Variants in GRM7 observed in about 807,000 individuals in gnomAD.
The protein encoded by GRM7 is metabotropic glutamate receptor 7.
In GRM7, 35 loss-of-function variants were observed where a neutral mutation model predicts 84.5. That is an observed-to-expected ratio of 0.41 (90% CI 0.32 to 0.55). The LOEUF (loss-of-function observed/expected upper bound fraction) is 0.55. Ranked by LOEUF, GRM7 falls within the 20% of genes least tolerant of loss-of-function variation. The probability of loss-of-function intolerance (pLI) is 0.19; values close to 1 mark genes in which losing one functional copy is unlikely to be tolerated. For synonymous variants in GRM7, 487 were observed against 455.1 expected (o/e 1.07, Z -0.89); for missense variants, 1,003 against 1,194.6 (o/e 0.84, Z 2.36).
At chr3:6,947,893 T>A (rs1698151029) in intron 1 of GRM7, among the ~76,000 whole-genome samples, 1 of 152,204 alleles carries the variant, frequency 6.6e-6, no homozygotes, top group South Asian at 2.1e-4. Context: ...GTGAGATTGG[T>A]GGTGATATCC....
At chr3:7,311,198 G>A (rs773260687) in intron 4 of GRM7, among the ~76,000 whole-genome samples, 4 of 152,234 alleles carry the variant, frequency 2.6e-5, no homozygotes, top group East Asian at 1.9e-4. Context: ...TGAACTATGC[G>A]GTCATTCTCC....
intron 7 of GRM7, among the ~76,000 whole-genome samples, chr3:7,553,715 C>T (rs1250328935): frequency 6.6e-6 from 1 of 152,156 alleles, no homozygotes; most frequent in Admixed American, 6.5e-5. Context: ...TACTTACTCT[C>T]CTGAGAACAG....
chr3:7,643,940 CT>C (rs1698484291), intron 8 of GRM7, among the ~76,000 whole-genome samples: 1 of 151,624 alleles, frequency 6.6e-6, no homozygotes, highest in African/African-American at 2.4e-5. Flanking sequence ...ATTCCATGGT[CT>C]TGCTTTTCTA....
At chr3:7,079,438 C>A (rs1698206130) in intron 1 of GRM7, among the ~76,000 whole-genome samples, 1 of 152,080 alleles carries the variant, frequency 6.6e-6, no homozygotes, top group African/African-American at 2.4e-5. Context: ...TTATTTCAAC[C>A]TTTTAAGTAG....
chr3:7,216,736 C>G (rs1309489489), intron 2 of GRM7, among the ~76,000 whole-genome samples: 1 of 149,332 alleles, frequency 6.7e-6, no homozygotes, highest in African/African-American at 2.5e-5. Flanking sequence ...ATTTCATATA[C>G]TTCTGAAGCC....
At chr3:7,496,618 T>C (rs898743175) in intron 7 of GRM7, among the ~76,000 whole-genome samples, 3 of 152,110 alleles carry the variant, frequency 2.0e-5, no homozygotes, top group Non-Finnish European at 4.4e-5. Flanking sequence ...ATTCGTAACA[T>C]GGAAGTAGAT....
chr3:7,479,949 C>A (rs1258953267), intron 7 of GRM7, among the ~76,000 whole-genome samples: 1 of 152,184 alleles, frequency 6.6e-6, no homozygotes, highest in Non-Finnish European at 1.5e-5. Context: ...ACTTATATGA[C>A]CCCAGGAACA....
intron 1 of GRM7, among the ~76,000 whole-genome samples, chr3:7,132,506 C>A (rs545882149): frequency 2.0e-5 from 3 of 152,186 alleles, no homozygotes; most frequent in Non-Finnish European, 2.9e-5. Flanking sequence ...GAATTATTTA[C>A]CATGCAGAAA....
chr3:7,081,551 A>G (rs1176244714), intron 1 of GRM7, among the ~76,000 whole-genome samples: 4 of 151,994 alleles, frequency 2.6e-5, no homozygotes, highest in Non-Finnish European at 5.9e-5. Context: ...TAATAACCCC[A>G]CAATGGCCTC....
rs376000258 is a variant in GRM7, at chr3:7,611,568, T to C, written c.2451+32211T>C. Among the ~76,000 whole-genome samples, 43 of 152,270 alleles carry C rather than the reference T, an allele frequency of 2.8e-4. 1 individual carries two copies. Among genetic ancestry groups the C allele is most frequent in the African/African-American group, 9.6e-4 (40 of 41,552 alleles). ...ACAGCTGTCATAGACCTACTGGAGCTGAAATGGACCTTTGTGATGTTGAGG... is the reference window on the plus strand; with the variant it reads ...ACAGCTGTCATAGACCTACTGGAGCCGAAATGGACCTTTGTGATGTTGAGG... On this transcript the variant is annotated intron_variant, in intron 8 of 9. Transcript: ENST00000357716.
At chr3:7,677,797 C>G (rs1199348334) in intron 8 of GRM7, among the ~76,000 whole-genome samples, 1 of 152,122 alleles carries the variant, frequency 6.6e-6, no homozygotes, top group Non-Finnish European at 1.5e-5. Context: ...AATTGTTCCA[C>G]CAAAAGACGC....
chr3:7,425,366 A>C (rs1400010685), intron 5 of GRM7, among the ~76,000 whole-genome samples: 1 of 152,124 alleles, frequency 6.6e-6, no homozygotes, highest in Non-Finnish European at 1.5e-5. Flanking sequence ...CAGAGCTCAA[A>C]CTCCTTGTTC....
chr3:7,550,569 CTCTCTCTCTGTG>C (rs1243305644), intron 7 of GRM7, among the ~76,000 whole-genome samples: 188 of 96,714 alleles, frequency 1.9e-3, no homozygotes, highest in East Asian at 4.3e-3. Flanking sequence ...CTCTCTCTCT[CTCTCTCTCTGTG>C]TGTGTGTGTG....
At chr3:7,130,919 G>A (rs1478610457) in intron 1 of GRM7, among the ~76,000 whole-genome samples, 11 of 151,944 alleles carry the variant, frequency 7.2e-5, no homozygotes, top group Admixed American at 5.2e-4. Context: ...AAATTTTACA[G>A]GAGGTATTTC....
intron 4 of GRM7, among the ~76,000 whole-genome samples, chr3:7,365,649 A>ACCTTTCCTGAGTCC: frequency 1.7e-5 from 2 of 118,840 alleles, no homozygotes; most frequent in South Asian, 5.4e-4. Context: ...GCGTGTGTGT[A>ACCTTTCCTGAGTCC]TATATATATA....
chr3:7,330,951 C>G (rs1350723980), intron 4 of GRM7, among the ~76,000 whole-genome samples: 2 of 152,170 alleles, frequency 1.3e-5, no homozygotes, highest in Non-Finnish European at 2.9e-5. Flanking sequence ...TGTCACCCTT[C>G]AGAGAGGCAT....
intron 2 of GRM7, among the ~76,000 whole-genome samples, chr3:7,177,872 T>C (rs1283397985): frequency 2.6e-5 from 4 of 152,190 alleles, no homozygotes; most frequent in African/African-American, 9.6e-5. Flanking sequence ...ATGAAAATGC[T>C]TTTATAATAA....
intron 1 of GRM7, among the ~76,000 whole-genome samples, chr3:6,901,636 A>AAAAAAT (rs1559317776): frequency 2.8e-5 from 4 of 140,452 alleles, no homozygotes; most frequent in African/African-American, 8.8e-5. Context: ...AAAAAAAAAA[A>AAAAAAT]ATATGTAGAA....
chr3:6,993,452 AAAGACAG>A (rs550722171), intron 1 of GRM7, among the ~76,000 whole-genome samples: 82 of 152,342 alleles, frequency 5.4e-4, no homozygotes, highest in Non-Finnish European at 9.4e-4. Flanking sequence ...GTGGAAACTC[AAAGACAG>A]TAATTCAGAT....
Sources: allele counts gnomAD v4.1 joint callset (sites outside exome capture counted in the v4.1 genomes callset), GRCh38; gene constraint gnomAD v4.1.1; transcripts MANE v1.5; gene names NCBI Gene and HGNC (gene_info 2026-07-23, HGNC 2026-07-21).